Variants in CEP350 observed in about 807,000 individuals in gnomAD.
The protein encoded by CEP350 is centrosomal protein 350.
In CEP350, 126 loss-of-function variants were observed where a neutral mutation model predicts 331.8. The observed-to-expected ratio is 0.38, with a 90% CI of 0.33 to 0.44. CEP350 has a LOEUF of 0.44. CEP350 is among the 20% of genes least tolerant of loss of function. The pLI is 1.00. For missense variants in CEP350, 3,406 were observed against 3,634.6 expected (o/e 0.94, Z 1.62); for synonymous variants, 1,200 against 1,259.5 (o/e 0.95, Z 1.00).
Position 180,020,019 on chromosome 1 carries a change from C to G in CEP350, c.2245C>G (p.Gln749Glu). The G allele has an allele frequency of 1.9e-6, 3 of 1,613,942 alleles. No homozygotes were observed. Among genetic ancestry groups the G allele is most frequent in the Non-Finnish European group, 2.5e-6 (3 of 1,179,838 alleles). Residue 749 changes from glutamine to glutamate, a missense_variant, in exon 12 of 38, where the codon CAG becomes GAG. Coordinates refer to ENST00000367607, the MANE Select transcript of CEP350 (RefSeq NM_014810.5). ...CCCACAAGTTCACCATTCTCAACCACAGCCTTTTGCTGGAACAGCTGGAAG... is the reference window on the plus strand; with the variant it reads ...CCCACAAGTTCACCATTCTCAACCAGAGCCTTTTGCTGGAACAGCTGGAAG... The part of the protein sequence containing the change: ...LSPQVHHSQP[Q>E]PFAGTAGSLL...
intron 36 of CEP350, among the ~76,000 whole-genome samples, chr1:180,097,301 A>G (rs1030436957): frequency 2.6e-5 from 4 of 152,232 alleles, no homozygotes; most frequent in Non-Finnish European, 4.4e-5. Flanking sequence ...ATGGCCCGCA[A>G]AGCCTAAAAT....
At chr1:180,031,196 A>G (rs993575463) in intron 14 of CEP350, 124 bp from the exon 15 acceptor site, 4 of 549,438 alleles carry the variant, frequency 7.3e-6, no homozygotes, top group Non-Finnish European at 1.3e-5. Context: ...TGAATATAGT[A>G]TAAGTCAAAT....
Position 180,020,143 on chromosome 1 carries a change from G to C in CEP350, c.2369G>C (p.Arg790Thr). The C allele has an allele frequency of 6.2e-7, 1 of 1,613,994 alleles. No homozygotes were observed. Among genetic ancestry groups the C allele is most frequent in the Non-Finnish European group, 8.5e-7 (1 of 1,179,884 alleles). ...PTRKNHNMAS[R>T]PLTFTPQPYV... ...AGGAAGAATCATAATATGGCTTCAA[G>C]GCCATTAACTTTTACACCTCAACCA... The change falls in exon 12 of 38, where the codon AGG becomes ACG. Residue 790 changes from arginine to threonine, a missense_variant. By Grantham distance (71) the Arg-to-Thr change is moderately conservative. Around this residue, in one of 5 missense-constraint regions of CEP350, gnomAD observed 1,857 missense variants for 1,909.2 expected, o/e 0.97. Transcript: ENST00000367607.
At chr1:180,080,105 T>G (rs1029846186) in intron 29 of CEP350, among the ~76,000 whole-genome samples, 1 of 152,166 alleles carries the variant, frequency 6.6e-6, no homozygotes, top group Admixed American at 6.6e-5. Context: ...TTTGTTCTCT[T>G]GTGGGCAAAC....
At chr1:180,110,548 G>C (rs1661414839) in intron 37 of CEP350, among the ~76,000 whole-genome samples, 2 of 152,112 alleles carry the variant, frequency 1.3e-5, no homozygotes, top group Non-Finnish European at 2.9e-5. Flanking sequence ...CAGTAAGTTA[G>C]GTGTATTCAC....
intron 1 of CEP350, among the ~76,000 whole-genome samples, chr1:179,960,584 A>T (rs1650532534): frequency 6.6e-6 from 1 of 151,726 alleles, no homozygotes; most frequent in Non-Finnish European, 1.5e-5. Flanking sequence ...ATTGTGTTCC[A>T]TTTTTTTTGA....
chr1:179,984,286 A>G lies in CEP350; in HGVS notation c.-13-1883A>G, dbSNP rs534565296. On this transcript the variant is annotated intron_variant, in intron 1 of 37. Transcript: ENST00000367607. ...AAACACCAAGCATTTGTGATCTCAC[A>G]TTTTCTGTATGTAAGGAATTTGGGA... 3.3e-5 allele frequency among the ~76,000 whole-genome samples: 5 copies of G among 152,310 alleles called. No individual in the cohort carries two copies. The South Asian group carries it at 8.3e-4, about 25-fold the overall frequency.
At chr1:180,073,485 A>T (rs1423023088) in intron 27 of CEP350, among the ~76,000 whole-genome samples, 1 of 152,242 alleles carries the variant, frequency 6.6e-6, no homozygotes, top group African/African-American at 2.4e-5. Flanking sequence ...AAACTAATTT[A>T]GTCCCACAAT....
chr1:180,099,780 ATTTTTTTTTT>A (rs200255438), intron 37 of CEP350, among the ~76,000 whole-genome samples: 8 of 119,524 alleles, frequency 6.7e-5, no homozygotes, highest in African/African-American at 2.3e-4. Context: ...GCCTTATTTG[ATTTTTTTTTT>A]TTTTTTTTTT....
At chr1:180,081,115 G>A (rs765658008) in intron 30 of CEP350, among the ~76,000 whole-genome samples, 3 of 151,884 alleles carry the variant, frequency 2.0e-5, no homozygotes, top group Non-Finnish European at 4.4e-5. Context: ...TGATCCACCC[G>A]TCTCGGCCTC....
intron 8 of CEP350, among the ~76,000 whole-genome samples, chr1:180,007,666 T>C (rs1374166673): frequency 3.3e-5 from 5 of 152,326 alleles, no homozygotes; most frequent in African/African-American, 9.6e-5. Context: ...GTTTTAGTCA[T>C]GAAGTCTTTG....
chr1:180,039,140 G>T (rs1448137669), intron 17 of CEP350, among the ~76,000 whole-genome samples: 2 of 150,866 alleles, frequency 1.3e-5, no homozygotes, highest in African/African-American at 4.9e-5. Context: ...GGGGGGTGGG[G>T]GGTGGTGGTA....
At chr1:180,078,730 A>C in intron 29 of CEP350, 56 bp downstream of exon 29, 1 of 1,411,630 alleles carries the variant, frequency 7.1e-7, no homozygotes, top group East Asian at 2.5e-5. Context: ...ACTGAAAGGT[A>C]TGTTAGCAGT....
At chr1:179,965,491 C>T (rs1366221505) in intron 1 of CEP350, among the ~76,000 whole-genome samples, 1 of 151,730 alleles carries the variant, frequency 6.6e-6, no homozygotes, top group Non-Finnish European at 1.5e-5. Flanking sequence ...TAGGCACATA[C>T]ATTTACAAAT....
intron 37 of CEP350, among the ~76,000 whole-genome samples, chr1:180,107,655 G>A (rs543803324): frequency 6.6e-6 from 1 of 152,302 alleles, no homozygotes; most frequent in East Asian, 1.9e-4. Context: ...GTGACAGAGC[G>A]AGACTCCCGT....
rs1652982406 is a variant in CEP350, at chr1:179,990,581, G to A, written c.195G>A (p.Lys65=). ...TAVCDSVMDT[K]KSSTSATRKI... is the part of the protein sequence containing the mutation. ...TGTGTGATTCTGTCATGGATACCAA[G>A]AAGTCTTCTACAAGTGCTACTCGAA... Residue 65 remains lysine, a synonymous_variant, in exon 4 of 38, where the codon AAG becomes AAA. Transcript: ENST00000367607. The A allele has an allele frequency of 6.2e-7, 1 of 1,604,968 alleles. No homozygotes were observed. Among genetic ancestry groups the A allele is most frequent in the African/African-American group, 1.3e-5 (1 of 74,768 alleles).
At chr1:180,029,683 T>G (rs1006194042) in intron 14 of CEP350, among the ~76,000 whole-genome samples, 1 of 152,208 alleles carries the variant, frequency 6.6e-6, no homozygotes, top group Non-Finnish European at 1.5e-5. Flanking sequence ...TGAATTTCAC[T>G]AGGGAATTTA....
intron 6 of CEP350, among the ~76,000 whole-genome samples, chr1:180,001,452 T>G (rs1653864439): frequency 2.0e-5 from 3 of 151,980 alleles, no homozygotes; most frequent in African/African-American, 7.3e-5. Context: ...AGAGATGGGG[T>G]TTCGCCATGT....
At chr1:180,073,940 G>C in intron 27 of CEP350, 1 of 1,302,716 alleles carries the variant, frequency 7.7e-7, no homozygotes, top group South Asian at 1.2e-5. Flanking sequence ...TGCACTCTTT[G>C]ATAGAGCATG....
Sources: gnomAD v4.1 joint callset for allele counts (sites outside exome capture counted in the v4.1 genomes callset) on GRCh38, gnomAD v4.1.1 for gene constraint, gnomAD v4.1.1 regional missense constraint, MANE v1.5 for transcripts, NCBI Gene and HGNC (gene_info 2026-07-23, HGNC 2026-07-21) for gene names.